PTCD2: variants seen among roughly 807,000 people sequenced by gnomAD.
PTCD2 encodes pentatricopeptide repeat-containing protein 2, mitochondrial.
In PTCD2, 31 loss-of-function variants were observed where a neutral mutation model predicts 42.6. The ratio of observed to expected loss-of-function variants is 0.73; its 90% CI spans 0.55 to 0.98. The LOEUF (loss-of-function observed/expected upper bound fraction) is 0.98. PTCD2 is among the 50% of genes least tolerant of loss of function. PTCD2 has a pLI of 0.00. For synonymous variants in PTCD2, 183 were observed against 170.9 expected (o/e 1.07, Z -0.55); for missense variants, 476 against 454.8 (o/e 1.05, Z -0.42).
chr5:72,349,616 CAG>C (rs747199451), intron 8 of PTCD2, among the ~76,000 whole-genome samples: 5 of 152,228 alleles, frequency 3.3e-5, no homozygotes, highest in Middle Eastern at 3.4e-3. Context: ...CCTGATGCCT[CAG>C]AAAATCAAAG....
intron 4 of PTCD2, 72 bp from the exon 5 acceptor site, chr5:72,334,946 A>G (rs1316952966): frequency 6.8e-6 from 6 of 882,266 alleles, no homozygotes; most frequent in South Asian, 1.4e-5. Context: ...TGGCTAGATA[A>G]GAGACAGTAA....
Position 72,367,375 on chromosome 5 carries a change from A to G in PTCD2, c.*8948A>G, listed in dbSNP as rs906304830. Reference sequence around the variant, plus strand: ...TGTTCAAGATGACTTCTTCATGGGCATCGATAGATACATTCTTGAAAACCA... The same window carrying G: ...TGTTCAAGATGACTTCTTCATGGGCGTCGATAGATACATTCTTGAAAACCA... On this transcript the variant is annotated 3_prime_UTR_variant, in exon 10 of 10. Transcript: ENST00000380639. 4 of 152,238 alleles carry G rather than the reference A, an allele frequency of 2.6e-5. No homozygotes were observed. The highest frequency in any genetic ancestry group is 9.6e-5 in the African/African-American group (4 of 41,454). The allele number at this position is 152,238 out of a possible 1,614,324, so 9.4% of individuals were successfully genotyped here. A position where few individuals can be genotyped will look rare whatever the true frequency, so the allele number is the denominator to read the frequency against.
intron 2 of PTCD2, among the ~76,000 whole-genome samples, chr5:72,325,527 G>A (rs536392406): frequency 5.3e-5 from 8 of 152,292 alleles, no homozygotes; most frequent in African/African-American, 1.9e-4. Flanking sequence ...GCAAGTGGCC[G>A]AGCTTAGATT....
chr5:72,353,552 A>G (rs1033625920), intron 9 of PTCD2, among the ~76,000 whole-genome samples: 2 of 152,230 alleles, frequency 1.3e-5, no homozygotes, highest in African/African-American at 2.4e-5. Context: ...AAGACTAGCT[A>G]GAAAAACCCT....
At chr5:72,341,269 C>T (rs1375549775) in intron 7 of PTCD2, among the ~76,000 whole-genome samples, 1 of 152,056 alleles carries the variant, frequency 6.6e-6, no homozygotes, top group Non-Finnish European at 1.5e-5. Flanking sequence ...GTCTTGAACT[C>T]CTGACCTCAA....
intron 9 of PTCD2, among the ~76,000 whole-genome samples, chr5:72,354,775 CA>C (rs1372342376): frequency 6.6e-6 from 1 of 152,140 alleles, no homozygotes; most frequent in Non-Finnish European, 1.5e-5. Flanking sequence ...GTTGTATGTA[CA>C]AGGCTATTTG....
chr5:72,322,057 C>A, intron 1 of PTCD2, 115 bp from the exon 2 acceptor site: 1 of 612,548 alleles, frequency 1.6e-6, no homozygotes. Context: ...ATATTTGTAC[C>A]TGTCTAATGG....
Position 72,364,267 on chromosome 5 carries a change from A to T in PTCD2, c.*5840A>T, listed in dbSNP as rs937110750. The T allele has an allele frequency of 3.9e-5, 6 of 152,366 alleles. No individual in the cohort carries two copies. The highest frequency in any genetic ancestry group is 1.4e-4 in the African/African-American group (6 of 41,594). 9.4% of individuals were successfully genotyped at this position (152,366 alleles called of 1,614,324 possible). A position where few individuals can be genotyped will look rare whatever the true frequency, so the allele number is the denominator to read the frequency against. ...TTTTAAATGTCCTCTGTTCCCATGG[A>T]GCTTGCATTCTGCAAGAGCAACAGA... On this transcript the variant is annotated 3_prime_UTR_variant, in exon 10 of 10. Transcript: ENST00000380639.
intron 8 of PTCD2, among the ~76,000 whole-genome samples, chr5:72,344,975 C>T (rs1752286092): frequency 1.3e-5 from 2 of 152,164 alleles, no homozygotes; most frequent in African/African-American, 2.4e-5. Context: ...TTCGGGCATG[C>T]ATTGTCATTG....
chr5:72,356,002 T>C (rs1228457606), intron 9 of PTCD2, among the ~76,000 whole-genome samples: 1 of 152,204 alleles, frequency 6.6e-6, no homozygotes, highest in Non-Finnish European at 1.5e-5. Flanking sequence ...TTCCTTCTGA[T>C]AAAAGGGAGC....
In PTCD2 at chr5:72,352,471, G is replaced by A. The variant is rs530224636; in HGVS notation, c.829-170G>A. Among the ~76,000 whole-genome samples the A allele has an allele frequency of 3.5e-4, 53 of 152,268 alleles. No homozygotes were observed. The South Asian group carries it at 9.9e-3, about 29-fold the overall frequency. On this transcript the variant is annotated intron_variant, in intron 8 of 9. Transcript: ENST00000380639. ...ACTATTGGAAAGCACATTTTGGCTC[G>A]TAAGTGTACATTTAAAGCACGTTTT...
chr5:72,358,429 C>G lies in PTCD2; in HGVS notation c.*2C>G. 6.2e-7 allele frequency: 1 copy of G among 1,609,752 alleles called. No homozygotes were observed. Among genetic ancestry groups the G allele is most frequent in the East Asian group, 2.2e-5 (1 of 44,766 alleles). ...AGCCAGTCCCTGTTGGCTGAGTAACCCTGGTTTCAGTCCACCTATGGATCT... is the reference window on the plus strand; with the variant it reads ...AGCCAGTCCCTGTTGGCTGAGTAACGCTGGTTTCAGTCCACCTATGGATCT... On this transcript the variant is annotated 3_prime_UTR_variant, in exon 10 of 10. Coordinates refer to ENST00000380639, the MANE Select transcript of PTCD2 (RefSeq NM_024754.5).
intron 5 of PTCD2, 116 bp downstream of exon 5, chr5:72,335,212 G>A (rs1364017236): frequency 1.7e-6 from 1 of 584,382 alleles, no homozygotes; most frequent in Admixed American, 2.8e-5. Context: ...CACTTTGGGA[G>A]GCTGAGGCGG....
intron 5 of PTCD2, 39 bp from the exon 6 acceptor site, chr5:72,335,755 G>C: frequency 1.5e-6 from 2 of 1,363,176 alleles, no homozygotes; most frequent in Non-Finnish European, 2.1e-6. Flanking sequence ...CAACAGTAGA[G>C]GAACTCTAAC....
rs927209432 is a variant in PTCD2, at chr5:72,365,262, C to A, written c.*6835C>A. The A allele has an allele frequency of 6.6e-6, 1 of 152,252 alleles. No homozygotes were observed. Among genetic ancestry groups the A allele is most frequent in the African/African-American group, 2.4e-5 (1 of 41,450 alleles). The allele number at this position is 152,252 out of a possible 1,614,324, so 9.4% of individuals were successfully genotyped here. A position where few individuals can be genotyped will look rare whatever the true frequency, so the allele number is the denominator to read the frequency against. ...GGTCTGTGAACTGGTCTGTGAACTGCGGGCCTGCCTGGAAATGCATTGTCA... is the reference window on the plus strand; with the variant it reads ...GGTCTGTGAACTGGTCTGTGAACTGAGGGCCTGCCTGGAAATGCATTGTCA... On this transcript the variant is annotated 3_prime_UTR_variant, in exon 10 of 10. Transcript: ENST00000380639.
At chr5:72,351,800 A>G (rs1488284816) in intron 8 of PTCD2, among the ~76,000 whole-genome samples, 1 of 152,136 alleles carries the variant, frequency 6.6e-6, no homozygotes, top group Non-Finnish European at 1.5e-5. Context: ...TTATCATTCG[A>G]GATGAAATTT....
intron 8 of PTCD2, among the ~76,000 whole-genome samples, chr5:72,349,030 G>A (rs559325516): frequency 5.3e-5 from 8 of 152,192 alleles, no homozygotes; most frequent in South Asian, 2.1e-4. Flanking sequence ...TGGGAGCAAT[G>A]TAGACTCCAA....
chr5:72,331,231 G>T (rs1751424108), intron 3 of PTCD2, 27 bp from the exon 4 acceptor site: 1 of 1,409,950 alleles, frequency 7.1e-7, no homozygotes, highest in Non-Finnish European at 1.0e-6. Flanking sequence ...CCTACCTTTT[G>T]GCTCATTGAA....
chr5:72,336,551 A>G (rs1296292657), intron 6 of PTCD2, among the ~76,000 whole-genome samples: 1 of 152,116 alleles, frequency 6.6e-6, no homozygotes, highest in African/African-American at 2.4e-5. Flanking sequence ...TCTTTTATCA[A>G]TACAAAAAAT....
Sources: allele counts gnomAD v4.1 joint callset (sites outside exome capture counted in the v4.1 genomes callset), GRCh38; gene constraint gnomAD v4.1.1; transcripts MANE v1.5; gene names NCBI Gene and HGNC (gene_info 2026-07-23, HGNC 2026-07-21).